FHOD3: variants seen among roughly 807,000 people sequenced by gnomAD.
The protein encoded by FHOD3 is formin homology 2 domain containing 3, also known as FH1/FH2 domain-containing protein 3.
In FHOD3, 90 loss-of-function variants were observed where a neutral mutation model predicts 173.0. The observed-to-expected ratio is 0.52, with a 90% CI of 0.44 to 0.62. FHOD3 has a LOEUF of 0.62. Ranked by LOEUF, FHOD3 falls within the 20% of genes least tolerant of loss-of-function variation. The pLI, the probability that FHOD3 is intolerant of heterozygous loss-of-function variation, is 0.00. For synonymous variants in FHOD3, 828 were observed against 823.0 expected, an observed-to-expected ratio of 1.01 and a Z score of -0.10; for missense variants, 1,945 against 2,034.7, an observed-to-expected ratio of 0.96 and a Z score of 0.85.
Position 36,305,024 on chromosome 18 carries a change from G to T in FHOD3, c.165+7024G>T, listed in dbSNP as rs150634117. Among the ~76,000 whole-genome samples, 608 of 152,256 alleles carry T rather than the reference G, an allele frequency of 4.0e-3. 2 individuals carry two copies. Among genetic ancestry groups the T allele is most frequent in the Non-Finnish European group, 6.1e-3 (415 of 68,030 alleles). On this transcript the variant is annotated intron_variant, in intron 1 of 28. Coordinates refer to ENST00000590592, the MANE Select transcript of FHOD3 (RefSeq NM_001281740.3). ...TTTAATGTACATGAAAATGTAAGTT[G>T]TATACCTTGGCACCCTTATAATTAC... is the stretch of plus-strand genomic sequence containing the variant.
At chr18:36,319,251 G>A (rs561792478) in intron 1 of FHOD3, among the ~76,000 whole-genome samples, 57 of 152,178 alleles carry the variant, frequency 3.7e-4, no homozygotes, top group African/African-American at 1.3e-3. Context: ...GACACACATA[G>A]GCTCAAAATA....
intron 20 of FHOD3, among the ~76,000 whole-genome samples, chr18:36,739,149 C>T (rs1358393436): frequency 6.6e-6 from 1 of 152,204 alleles, no homozygotes; most frequent in African/African-American, 2.4e-5. Context: ...TGGCAACAAC[C>T]CACAAGTTAC....
chr18:36,694,291 T>C (rs1240469724), intron 17 of FHOD3, among the ~76,000 whole-genome samples: 1 of 152,222 alleles, frequency 6.6e-6, no homozygotes. Flanking sequence ...GCATAAAGTT[T>C]AATTTAAACA....
intron 28 of FHOD3, chr18:36,778,229 C>T (rs549162809): frequency 6.6e-6 from 1 of 152,184 alleles, no homozygotes; most frequent in African/African-American, 2.4e-5. Context: ...GAGGTGGGCC[C>T]TGGCCTCTGG....
chr18:36,612,501 T>C (rs2032789828), intron 9 of FHOD3, among the ~76,000 whole-genome samples: 1 of 152,054 alleles, frequency 6.6e-6, no homozygotes, highest in African/African-American at 2.4e-5. Context: ...TAGCAACCAA[T>C]GCAAAACGAA....
intron 10 of FHOD3, among the ~76,000 whole-genome samples, chr18:36,639,915 TA>T (rs890240812): frequency 6.6e-6 from 1 of 152,060 alleles, no homozygotes; most frequent in Admixed American, 6.6e-5. Context: ...TACACCTGAA[TA>T]AATCTGTAAC....
rs78885007 is a variant in FHOD3 at position 36,564,020 on chromosome 18, G to A, written c.512-12431G>A. Among the ~76,000 whole-genome samples, 13 of 152,206 alleles carry A rather than the reference G, an allele frequency of 8.5e-5. No homozygotes were observed. In the South Asian group the frequency reaches 1.0e-3, roughly 12 times the overall value. ...TAAGTGTATGTGTCCTGCATGGGCCGTCACTAAGCTAGGAGGAGCTGCTTT... is the reference window on the plus strand; with the variant it reads ...TAAGTGTATGTGTCCTGCATGGGCCATCACTAAGCTAGGAGGAGCTGCTTT... On this transcript the variant is annotated intron_variant, in intron 5 of 28. Transcript: ENST00000590592.
At chr18:36,355,161 G>T (rs1300631702) in intron 1 of FHOD3, among the ~76,000 whole-genome samples, 1 of 152,140 alleles carries the variant, frequency 6.6e-6, no homozygotes, top group East Asian at 1.9e-4. Context: ...CACCAAATTT[G>T]CCTTTTAAGC....
chr18:36,418,793 T>C lies in FHOD3; in HGVS notation c.337+46049T>C, dbSNP rs528635397. Reference sequence around the variant, plus strand: ...AGCTGGGCATTGTGGTGTGTGCCTGTAGCTCTAACTACTTAGGAGGCTGAG... The same window carrying C: ...AGCTGGGCATTGTGGTGTGTGCCTGCAGCTCTAACTACTTAGGAGGCTGAG... On this transcript the variant is annotated intron_variant, in intron 3 of 28. Transcript: ENST00000590592. Among the ~76,000 whole-genome samples the C allele has an allele frequency of 2.6e-5, 4 of 152,252 alleles. No individual in the cohort carries two copies. The South Asian group carries it at 8.3e-4, about 32-fold the overall frequency.
intron 14 of FHOD3, among the ~76,000 whole-genome samples, chr18:36,670,287 G>A (rs957197024): frequency 6.6e-5 from 10 of 151,964 alleles, no homozygotes; most frequent in East Asian, 1.9e-4. Flanking sequence ...ATCAAATTGC[G>A]AAAAATCTTA....
intron 5 of FHOD3, among the ~76,000 whole-genome samples, chr18:36,534,827 T>G (rs1345534076): frequency 1.3e-5 from 2 of 152,190 alleles, no homozygotes; most frequent in Non-Finnish European, 2.9e-5. Flanking sequence ...GTTTTCCTGG[T>G]GCTAACTTGC....
At position 36,304,241 on chromosome 18, in the gene FHOD3, G is replaced by A. The variant is rs564626822; in HGVS notation, c.165+6241G>A. Among the ~76,000 whole-genome samples, 85 of 152,220 alleles carry A rather than the reference G, an allele frequency of 5.6e-4. 1 individual carries two copies. Among genetic ancestry groups the A allele is most frequent in the African/African-American group, 2.0e-3 (81 of 41,526 alleles). On this transcript the variant is annotated intron_variant, in intron 1 of 28. Transcript: ENST00000590592. ...GGTTAGGTTTAAGTAACAGTTTATG[G>A]CTTTCAGAGATACATACTGAAATTA... is the stretch of plus-strand genomic sequence containing the variant.
chr18:36,320,545 T>A (rs1292054407), intron 1 of FHOD3, among the ~76,000 whole-genome samples: 1 of 152,212 alleles, frequency 6.6e-6, no homozygotes, highest in Non-Finnish European at 1.5e-5. Context: ...AGCCAAATTC[T>A]ACCAGAGTAA....
chr18:36,643,512 T>C (rs2035477738), intron 10 of FHOD3, among the ~76,000 whole-genome samples: 4 of 152,222 alleles, frequency 2.6e-5, no homozygotes, highest in African/African-American at 9.7e-5. Flanking sequence ...ATGATATTAA[T>C]GTTTAATTTT....
At chr18:36,408,445 C>T (rs2049176124) in intron 3 of FHOD3, among the ~76,000 whole-genome samples, 1 of 151,896 alleles carries the variant, frequency 6.6e-6, no homozygotes, top group African/African-American at 2.4e-5. Context: ...GTGGGCCAGG[C>T]TAATGGGTGT....
intron 17 of FHOD3, 23 bp from the exon 18 acceptor site, chr18:36,709,063 GTCAATATAA>G: frequency 6.3e-7 from 1 of 1,594,506 alleles, no homozygotes; most frequent in Non-Finnish European, 8.6e-7. Context: ...GAAATCTGTC[GTCAATATAA>G]TCTCCATTGT....
chr18:36,439,554 TG>T (rs1258077165), intron 3 of FHOD3, among the ~76,000 whole-genome samples: 61 of 151,878 alleles, frequency 4.0e-4, no homozygotes, highest in African/African-American at 1.4e-3. Context: ...TGTGTGTGTG[TG>T]TGTGTGTGTG....
chr18:36,472,526 C>G (rs1357241682), intron 3 of FHOD3, among the ~76,000 whole-genome samples: 1 of 152,110 alleles, frequency 6.6e-6, no homozygotes, highest in Non-Finnish European at 1.5e-5. Flanking sequence ...TTTCATCACC[C>G]CAAATAAAAA....
At chr18:36,482,102 G>A (rs191048803) in intron 3 of FHOD3, among the ~76,000 whole-genome samples, 2 of 152,136 alleles carry the variant, frequency 1.3e-5, no homozygotes, top group African/African-American at 4.8e-5. Flanking sequence ...AAGATAAGAG[G>A]AAGAGGGAAG....
Sources: allele counts gnomAD v4.1 joint callset (sites outside exome capture counted in the v4.1 genomes callset), GRCh38; gene constraint gnomAD v4.1.1; transcripts MANE v1.5; gene names NCBI Gene and HGNC (gene_info 2026-07-23, HGNC 2026-07-21).